Variants in USP32 observed in about 807,000 individuals in gnomAD.
USP32 encodes the protein ubiquitin specific peptidase 32.
USP32 carries 59 observed loss-of-function variants against 204.8 expected under a neutral mutation model. That is an observed-to-expected ratio of 0.29 (90% CI 0.23 to 0.36). The LOEUF (loss-of-function observed/expected upper bound fraction) is 0.36, where lower values mean the gene tolerates loss of function less well. USP32 is among the 10% of genes least tolerant of loss of function. USP32 has a pLI of 1.00. For synonymous variants in USP32, 517 were observed against 678.4 expected, an observed-to-expected ratio of 0.76 and a Z score of 3.70; for missense variants, 1,160 against 1,946.4, an observed-to-expected ratio of 0.60 and a Z score of 7.60.
chr17:60,281,430 C>T (rs1050377137), intron 5 of USP32, among the ~76,000 whole-genome samples: 6 of 151,500 alleles, frequency 4.0e-5, no homozygotes, highest in African/African-American at 1.2e-4. Flanking sequence ...CCCAGCTACT[C>T]GGGAGGCTGA....
chr17:60,221,152 G>A (rs562676396), intron 15 of USP32, among the ~76,000 whole-genome samples: 2 of 152,054 alleles, frequency 1.3e-5, no homozygotes, highest in East Asian at 3.9e-4. Context: ...CCAGCACTTT[G>A]GGAGGCCAAG....
chr17:60,355,266 G>A (rs2089040486), intron 1 of USP32, among the ~76,000 whole-genome samples: 1 of 152,106 alleles, frequency 6.6e-6, no homozygotes, highest in Non-Finnish European at 1.5e-5. Flanking sequence ...AACAGTTATT[G>A]CCTCTGAGGA....
intron 1 of USP32, among the ~76,000 whole-genome samples, chr17:60,418,381 C>G (rs2090078546): frequency 6.6e-6 from 1 of 151,112 alleles, no homozygotes; most frequent in Non-Finnish European, 1.5e-5. Flanking sequence ...GTGTGAGCCA[C>G]CGTGCCTGGC....
intron 1 of USP32, among the ~76,000 whole-genome samples, chr17:60,420,136 A>G (rs2090098644): frequency 7.1e-6 from 1 of 141,748 alleles, no homozygotes; most frequent in South Asian, 2.2e-4. Context: ...ACTTTATTTT[A>G]TTTTGTATTT....
chr17:60,325,910 T>C (rs1407501405), intron 2 of USP32, among the ~76,000 whole-genome samples: 4 of 150,832 alleles, frequency 2.7e-5, no homozygotes, highest in African/African-American at 9.8e-5. Flanking sequence ...GCCTAGGTGA[T>C]TGCAGTGAGT....
At chr17:60,275,290 C>G (rs568153053) in intron 5 of USP32, among the ~76,000 whole-genome samples, 6 of 152,228 alleles carry the variant, frequency 3.9e-5, no homozygotes, top group Admixed American at 3.9e-4. Flanking sequence ...AACGCCATCT[C>G]TACTAAAAAT....
At chr17:60,275,388 CAG>C (rs1308203521) in intron 5 of USP32, among the ~76,000 whole-genome samples, 1 of 152,062 alleles carries the variant, frequency 6.6e-6, no homozygotes, top group Admixed American at 6.6e-5. Flanking sequence ...ACCTGGGAGG[CAG>C]AGTTTACAGT....
intron 1 of USP32, among the ~76,000 whole-genome samples, chr17:60,377,127 T>C (rs542865581): frequency 6.6e-6 from 1 of 152,252 alleles, no homozygotes; most frequent in East Asian, 1.9e-4. Flanking sequence ...CCCATTAAGA[T>C]AGGATATCTT....
intron 26 of USP32, among the ~76,000 whole-genome samples, chr17:60,204,790 T>C (rs777929813): frequency 2.0e-5 from 3 of 151,288 alleles, no homozygotes; most frequent in Non-Finnish European, 2.9e-5. Context: ...TTCTTTCTTT[T>C]CTTTTTCAGA....
At chr17:60,325,522 A>G (rs1021171880) in intron 2 of USP32, among the ~76,000 whole-genome samples, 14 of 152,218 alleles carry the variant, frequency 9.2e-5, no homozygotes, top group African/African-American at 3.4e-4. Flanking sequence ...TGATTTAACC[A>G]AAAATTGTGA....
chr17:60,303,813 G>A (rs141964471), intron 2 of USP32, among the ~76,000 whole-genome samples: 7 of 152,152 alleles, frequency 4.6e-5, no homozygotes, highest in African/African-American at 1.7e-4. Flanking sequence ...AATGGCTCAA[G>A]AATAAACTCA....
chr17:60,237,126 CTAT>C (rs1567792238), intron 11 of USP32, among the ~76,000 whole-genome samples: 5 of 150,046 alleles, frequency 3.3e-5, no homozygotes, highest in Non-Finnish European at 7.4e-5. Context: ...ATCTATCTAT[CTAT>C]CTATCTATCT....
chr17:60,242,199 AC>A (rs1355359388), intron 11 of USP32, among the ~76,000 whole-genome samples: 2 of 152,156 alleles, frequency 1.3e-5, no homozygotes, highest in Non-Finnish European at 2.9e-5. Flanking sequence ...GCATACTCAC[AC>A]TAAAGCCGTG....
At chr17:60,255,126 A>T in intron 10 of USP32, 49 bp downstream of exon 10, 1 of 1,342,694 alleles carries the variant, frequency 7.4e-7, no homozygotes. Context: ...AAAGATGTAG[A>T]AGTACTGGTA....
intron 27 of USP32, among the ~76,000 whole-genome samples, chr17:60,193,537 T>G (rs1251597955): frequency 6.6e-6 from 1 of 152,168 alleles, no homozygotes; most frequent in Admixed American, 6.5e-5. Context: ...ATGCAACAAT[T>G]TATACATATT....
intron 2 of USP32, among the ~76,000 whole-genome samples, chr17:60,313,725 T>C (rs2087908126): frequency 1.3e-5 from 2 of 152,246 alleles, no homozygotes; most frequent in South Asian, 2.1e-4. Context: ...ACCATACTTA[T>C]ACTAAAGTCT....
intron 5 of USP32, among the ~76,000 whole-genome samples, chr17:60,276,974 C>T (rs956815636): frequency 3.6e-5 from 5 of 139,040 alleles, no homozygotes; most frequent in African/African-American, 1.6e-4. Flanking sequence ...TATAAAATTA[C>T]CAAACATTTT....
chr17:60,290,980 C>T (rs958683531), intron 4 of USP32, among the ~76,000 whole-genome samples: 1 of 152,190 alleles, frequency 6.6e-6, no homozygotes, highest in Non-Finnish European at 1.5e-5. Flanking sequence ...CAAATGTTTA[C>T]AATGTCCTAA....
At chr17:60,220,707 G>A (rs971338896) in intron 15 of USP32, among the ~76,000 whole-genome samples, 30 of 151,734 alleles carry the variant, frequency 2.0e-4, no homozygotes, top group South Asian at 1.0e-3. Context: ...GCAGTGGCCC[G>A]ATCTCGGCTC....
Sources: gnomAD v4.1 joint callset for allele counts (sites outside exome capture counted in the v4.1 genomes callset) on GRCh38, gnomAD v4.1.1 for gene constraint, MANE v1.5 for transcripts, NCBI Gene and HGNC (gene_info 2026-07-23, HGNC 2026-07-21) for gene names.